DMD: variants seen among roughly 807,000 people sequenced by gnomAD.
DMD encodes the protein dystrophin.
Under a neutral mutation model 330.1 loss-of-function variants are expected in DMD, and 63 were observed. The ratio of observed to expected loss-of-function variants is 0.19; its 90% confidence interval spans 0.16 to 0.24. The LOEUF is 0.24. Ranked by LOEUF, DMD falls within the 10% of genes least tolerant of loss-of-function variation. The pLI, the probability that DMD is intolerant of heterozygous loss-of-function variation, is 1.00. For synonymous variants in DMD, 1,223 were observed against 959.8 expected (o/e 1.27, Z -5.07); for missense variants, 3,344 against 2,684.1 (o/e 1.25, Z -5.43).
At chrX:31,542,222 T>G (rs2073872320) in intron 55 of DMD, among the ~76,000 whole-genome samples, 1 of 112,136 alleles carries the variant, frequency 8.9e-6, no homozygotes, top group Non-Finnish European at 1.9e-5. Flanking sequence ...ATTAGGCTGA[T>G]GTCAACCATG....
At chrX:31,362,244 T>C (rs1012521375) in intron 60 of DMD, among the ~76,000 whole-genome samples, 1 of 112,143 alleles carries the variant, frequency 8.9e-6, no homozygotes, top group Non-Finnish European at 1.9e-5. Flanking sequence ...TGCACTGATA[T>C]CAAACTTTTT....
At chrX:33,023,940 T>C (rs2093956603) in intron 1 of DMD, among the ~76,000 whole-genome samples, 2 of 111,739 alleles carry the variant, frequency 1.8e-5, no homozygotes, top group Non-Finnish European at 1.9e-5. Context: ...TCCCAAGTGG[T>C]CATATGCCTT....
intron 29 of DMD, among the ~76,000 whole-genome samples, chrX:32,419,660 C>T (rs898471253): frequency 1.7e-4 from 19 of 111,990 alleles, no homozygotes; most frequent in African/African-American, 4.5e-4. Flanking sequence ...ACTCAAAAGC[C>T]GTGAGCATGG....
At chrX:32,506,314 T>C (rs1338760796) in intron 18 of DMD, among the ~76,000 whole-genome samples, 1 of 109,078 alleles carries the variant, frequency 9.2e-6, no homozygotes, top group African/African-American at 3.3e-5. Context: ...TTCTGTTCAA[T>C]TGTGCTGTGA....
At position 32,574,059 on chromosome X, in the gene DMD, A is replaced by G. The variant is rs2052741619; in HGVS notation, c.1603-213T>C. ...GTCTTGTACCTTTCATAGAAAAGCAAAGAGACAAGCAATATGAAGTGGTTA... is the reference window on the plus strand; with the variant it reads ...GTCTTGTACCTTTCATAGAAAAGCAGAGAGACAAGCAATATGAAGTGGTTA... On this transcript the variant is annotated intron_variant, in intron 13 of 78. Transcript: ENST00000357033. Among the ~76,000 whole-genome samples the G allele has an allele frequency of 2.7e-5, 3 of 112,129 alleles. No individual in the cohort carries two copies. The South Asian group carries it at 1.1e-3, about 41-fold the overall frequency.
At chrX:32,453,131 C>G (rs534932338) in intron 26 of DMD, among the ~76,000 whole-genome samples, 3 of 110,963 alleles carry the variant, frequency 2.7e-5, no homozygotes, top group African/African-American at 9.8e-5. Context: ...TCCATGTTTA[C>G]TTCTAGGCAA....
chrX:32,612,241 A>G (rs761552231), intron 12 of DMD, among the ~76,000 whole-genome samples: 7 of 110,938 alleles, frequency 6.3e-5, no homozygotes, highest in Non-Finnish European at 1.1e-4. Context: ...TTCTCTATCA[A>G]CTTTTACTCC....
At chrX:32,346,159 T>G in intron 38 of DMD, 79 bp from the exon 39 acceptor site, 1 of 1,046,813 alleles carries the variant, frequency 9.6e-7, no homozygotes, top group Non-Finnish European at 1.3e-6. Flanking sequence ...ATAAGACATG[T>G]TATTTAAACA....
chrX:32,553,263 G>A (rs1480527665), intron 16 of DMD, among the ~76,000 whole-genome samples: 1 of 111,525 alleles, frequency 9.0e-6, no homozygotes, highest in South Asian at 3.8e-4. Context: ...GTTCTTTGCA[G>A]CAAACATGGA....
intron 2 of DMD, among the ~76,000 whole-genome samples, chrX:32,859,986 C>A (rs969472601): frequency 9.9e-5 from 11 of 111,534 alleles, no homozygotes; most frequent in Non-Finnish European, 1.7e-4. Context: ...GAGTGGATAT[C>A]TGATATTACT....
chrX:31,894,760 T>C (rs66520172), intron 47 of DMD, among the ~76,000 whole-genome samples: 15,273 of 111,190 alleles, frequency 0.14, 848 homozygotes, highest in Non-Finnish European at 0.17. Flanking sequence ...TTTTACACAG[T>C]AGATACTGCG....
chrX:32,415,060 G>T (rs1448023269), intron 29 of DMD, among the ~76,000 whole-genome samples: 1 of 111,811 alleles, frequency 8.9e-6, no homozygotes, highest in African/African-American at 3.3e-5. Context: ...ATTGTGACAG[G>T]TGGTTGGAGA....
chrX:31,180,528 T>C (rs2041048450), intron 68 of DMD, 47 bp from the exon 69 acceptor site: 2 of 864,035 alleles, frequency 2.3e-6, no homozygotes, highest in African/African-American at 2.0e-5. Context: ...TCGAATCAAA[T>C]TCCCAAAGAA....
chrX:32,195,214 A>G (rs2096993678), intron 44 of DMD, among the ~76,000 whole-genome samples: 2 of 111,838 alleles, frequency 1.8e-5, no homozygotes, highest in African/African-American at 6.5e-5. Context: ...CTACTGTGAA[A>G]TAGATGAGGG....
At chrX:32,888,204 G>T (rs1318883653) in intron 2 of DMD, among the ~76,000 whole-genome samples, 2 of 110,017 alleles carry the variant, frequency 1.8e-5, no homozygotes, top group African/African-American at 6.6e-5. Flanking sequence ...TCTTACATAG[G>T]TATACATGTG....
At chrX:32,656,267 A>T (rs760337391) in intron 9 of DMD, among the ~76,000 whole-genome samples, 1 of 111,758 alleles carries the variant, frequency 8.9e-6, no homozygotes, top group Non-Finnish European at 1.9e-5. Flanking sequence ...ACACACATGA[A>T]GCTGGTGAGC....
At chrX:33,265,969 C>T (rs2053034715) in intron 1 of DMD, among the ~76,000 whole-genome samples, 1 of 111,505 alleles carries the variant, frequency 9.0e-6, no homozygotes, top group African/African-American at 3.3e-5. Context: ...AGATTAAATA[C>T]TGATGTGTCT....
chrX:31,505,579 G>A (rs2070855122), intron 56 of DMD, among the ~76,000 whole-genome samples: 1 of 111,020 alleles, frequency 9.0e-6, no homozygotes, highest in Non-Finnish European at 1.9e-5. Flanking sequence ...GGTATCATAT[G>A]GTGGTTAAAA....
intron 55 of DMD, among the ~76,000 whole-genome samples, chrX:31,513,623 C>T (rs2071877080): frequency 9.0e-6 from 1 of 111,547 alleles, no homozygotes; most frequent in Non-Finnish European, 1.9e-5. Flanking sequence ...TGTATGCTCT[C>T]TAATTTTTTT....
Sources: gnomAD v4.1 joint callset for allele counts (sites outside exome capture counted in the v4.1 genomes callset) on GRCh38, gnomAD v4.1.1 for gene constraint, MANE v1.5 for transcripts, NCBI Gene and HGNC (gene_info 2026-07-23, HGNC 2026-07-21) for gene names.